Variants in ZNF410 observed in about 807,000 individuals in gnomAD.
ZNF410 encodes zinc finger protein 410.
Under a neutral mutation model 54.8 loss-of-function variants are expected in ZNF410, and 18 were observed. The ratio of observed to expected loss-of-function variants is 0.33; its 90% CI spans 0.23 to 0.49. The LOEUF (loss-of-function observed/expected upper bound fraction) is 0.49. ZNF410 is among the 20% of genes least tolerant of loss of function. ZNF410 has a pLI of 0.99. For synonymous variants in ZNF410, 191 were observed against 207.3 expected (o/e 0.92, Z 0.68); for missense variants, 405 against 569.6 (o/e 0.71, Z 2.94).
At chr14:73,909,197 G>C (rs2055538040) in intron 7 of ZNF410, 144 bp from the exon 8 acceptor site, 2 of 668,806 alleles carry the variant, frequency 3.0e-6, no homozygotes, top group Non-Finnish European at 5.1e-6. Flanking sequence ...ACACTTGCTA[G>C]GTAGCCCAGT....
At chr14:73,905,186 G>A in intron 7 of ZNF410, 103 bp downstream of exon 7, 1 of 1,264,962 alleles carries the variant, frequency 7.9e-7, no homozygotes, top group Non-Finnish European at 1.1e-6. Flanking sequence ...GAAGGTCTGG[G>A]GTTGTTGCTA....
chr14:73,894,423 C>CTTTTT, intron 3 of ZNF410: 9 of 633,356 alleles, frequency 1.4e-5, no homozygotes, highest in South Asian at 3.4e-5. Flanking sequence ...TACATACTTG[C>CTTTTT]TTTTTTTTTT....
intron 11 of ZNF410, chr14:73,924,703 G>T: frequency 2.2e-6 from 1 of 445,598 alleles, no homozygotes; most frequent in Non-Finnish European, 4.5e-6. Context: ...TTGAGACAGA[G>T]TCTCGCTCCG....
intron 11 of ZNF410, among the ~76,000 whole-genome samples, chr14:73,926,231 C>G (rs1217366107): frequency 6.6e-6 from 1 of 152,162 alleles, no homozygotes; most frequent in East Asian, 1.9e-4. Context: ...ACAAAGATAA[C>G]AATAATTTAT....
In ZNF410 at chr14:73,893,876, G is replaced by A; in HGVS notation, c.113G>A (p.Cys38Tyr). The A allele has an allele frequency of 6.2e-7, 1 of 1,614,072 alleles. No individual in the cohort carries two copies. The highest frequency in any genetic ancestry group is 8.5e-7 in the Non-Finnish European group (1 of 1,180,008). The change falls in exon 3 of 12, where the codon TGC becomes TAC. Residue 38 changes from cysteine (C) to tyrosine (Y), a missense_variant. Cys to Tyr is a radical substitution (Grantham distance 194, BLOSUM62 -2). This residue lies in a region of ZNF410 where 247 missense variants were observed against 342.8 expected (regional missense o/e 0.72). Coordinates refer to ENST00000555044, the MANE Select transcript of ZNF410 (RefSeq NM_021188.3). ...LVESEAKDIT[C>Y]LSLLPVTEAS... ...GAATCAGAAGCTAAAGATATTACTT[G>A]CTTGTCCCTCCTTCCCGTGACTGAA...
At chr14:73,907,425 C>A (rs1042213798) in intron 7 of ZNF410, among the ~76,000 whole-genome samples, 5 of 151,946 alleles carry the variant, frequency 3.3e-5, no homozygotes, top group African/African-American at 1.2e-4. Flanking sequence ...CGGTGAAACC[C>A]CATCTCCACT....
At chr14:73,927,569 G>A (rs550062444) in intron 11 of ZNF410, among the ~76,000 whole-genome samples, 1 of 152,074 alleles carries the variant, frequency 6.6e-6, no homozygotes, top group South Asian at 2.1e-4. Flanking sequence ...TCCTGTATTG[G>A]TAAATATCTT....
At chr14:73,910,810 TGTG>T in intron 8 of ZNF410, among the ~76,000 whole-genome samples, 2 of 141,418 alleles carry the variant, frequency 1.4e-5, no homozygotes, top group African/African-American at 5.5e-5. Context: ...TGCAGTGAGT[TGTG>T]ATTGCGCCAC....
intron 8 of ZNF410, among the ~76,000 whole-genome samples, chr14:73,917,850 C>A (rs1433767201): frequency 6.6e-6 from 1 of 152,002 alleles, no homozygotes; most frequent in African/African-American, 2.4e-5. Context: ...AAGGGTGCAA[C>A]TAAGTGATTT....
chr14:73,897,470 A>G lies in ZNF410; in HGVS notation c.389-601A>G, dbSNP rs952031849. 3.3e-5 allele frequency among the ~76,000 whole-genome samples: 5 copies of G among 152,294 alleles called. No homozygotes were observed. The South Asian group carries it at 1.0e-3, about 32-fold the overall frequency. On this transcript the variant is annotated intron_variant, in intron 4 of 11. Coordinates refer to ENST00000555044, the MANE Select transcript of ZNF410 (RefSeq NM_021188.3). ...GCAGATAGGAGAGAGGAGATAACACAAGTATATATGGGGGGATAATTGAAG... is the reference window on the plus strand; with the variant it reads ...GCAGATAGGAGAGAGGAGATAACACGAGTATATATGGGGGGATAATTGAAG...
intron 11 of ZNF410, chr14:73,927,206 C>G (rs1192379806): frequency 1.6e-5 from 4 of 245,702 alleles, no homozygotes; most frequent in African/African-American, 9.3e-5. Context: ...CTGCCTCAGC[C>G]TCCTGAGTAG....
chr14:73,919,799 T>C (rs1390336265), intron 8 of ZNF410, among the ~76,000 whole-genome samples: 1 of 151,766 alleles, frequency 6.6e-6, no homozygotes, highest in African/African-American at 2.4e-5. Flanking sequence ...TTTGGGTAGA[T>C]AGCCAGTAAT....
chr14:73,932,116 C>T lies in ZNF410; in HGVS notation c.*575C>T. 2.3e-6 allele frequency: 1 copy of T among 437,526 alleles called. No homozygotes were observed. Among genetic ancestry groups the T allele is most frequent in the Non-Finnish European group, 4.6e-6 (1 of 215,760 alleles). The allele number at this position is 437,526 out of a possible 1,614,324, so 27.1% of individuals were successfully genotyped here. ...TCTCCCCTTGGCCCAGGCTGAGGTA[C>T]TATCTTGTCCTATACACTTCTACTT... is the stretch of plus-strand genomic sequence containing the variant. On this transcript the variant is annotated 3_prime_UTR_variant, in exon 12 of 12. Transcript: ENST00000555044.
chr14:73,900,859 AC>A (rs2055395466), intron 5 of ZNF410, among the ~76,000 whole-genome samples: 2 of 152,188 alleles, frequency 1.3e-5, no homozygotes, highest in South Asian at 4.1e-4. Flanking sequence ...TTTAAAGCTC[AC>A]CAGCTGTCAT....
chr14:73,929,179 TCTC>T (rs1356014691), intron 11 of ZNF410, among the ~76,000 whole-genome samples: 2 of 152,214 alleles, frequency 1.3e-5, no homozygotes, highest in Admixed American at 6.5e-5. Context: ...TTAGCATTAT[TCTC>T]CTCCTCGTAT....
intron 7 of ZNF410, among the ~76,000 whole-genome samples, chr14:73,908,043 A>G (rs1025348860): frequency 5.3e-5 from 8 of 152,220 alleles, no homozygotes; most frequent in Non-Finnish European, 1.2e-4. Flanking sequence ...TGTAGATGAA[A>G]AGCTGATTTT....
chr14:73,896,962 C>T (rs556065308), intron 4 of ZNF410, among the ~76,000 whole-genome samples: 2 of 152,108 alleles, frequency 1.3e-5, no homozygotes, highest in East Asian at 3.9e-4. Flanking sequence ...AAGTCTCAAG[C>T]ATAAACAGAA....
chr14:73,931,711 T>G lies in ZNF410; in HGVS notation c.*170T>G, dbSNP rs1270428003. ...TATAGAAGATGGATGTAGGAGAGCT[T>G]CTTTTCTAACTACCATCTGATCAGA... On this transcript the variant is annotated 3_prime_UTR_variant, in exon 12 of 12. Transcript: ENST00000555044. 2.0e-5 allele frequency: 13 copies of G among 639,926 alleles called. No individual in the cohort carries two copies. Among genetic ancestry groups the G allele is most frequent in the Non-Finnish European group, 3.6e-5 (13 of 359,768 alleles). The allele number at this position is 639,926 out of a possible 1,614,324, so 39.6% of individuals were successfully genotyped here. A position where few individuals can be genotyped will look rare whatever the true frequency, so the allele number is the denominator to read the frequency against.
intron 5 of ZNF410, among the ~76,000 whole-genome samples, chr14:73,902,587 C>G (rs1217584747): frequency 6.6e-6 from 1 of 152,036 alleles, no homozygotes; most frequent in African/African-American, 2.4e-5. Flanking sequence ...CTGTGATAGG[C>G]ACAACATATA....
Sources: gnomAD v4.1 joint callset for allele counts (sites outside exome capture counted in the v4.1 genomes callset) on GRCh38, gnomAD v4.1.1 for gene constraint, gnomAD v4.1.1 regional missense constraint, MANE v1.5 for transcripts, NCBI Gene and HGNC (gene_info 2026-07-23, HGNC 2026-07-21) for gene names.